HIVEP2: variants seen among roughly 807,000 people sequenced by gnomAD.
The protein encoded by HIVEP2 is HIVEP zinc finger 2.
A neutral mutation model predicts 180.7 loss-of-function variants in HIVEP2; 14 were observed. That is an observed-to-expected ratio of 0.08 (90% CI 0.05 to 0.12). HIVEP2 has a LOEUF of 0.12. Ranked by LOEUF, HIVEP2 falls within the 10% of genes least tolerant of loss-of-function variation. HIVEP2 has a pLI of 1.00. For missense variants in HIVEP2, 2,579 were observed against 3,008.5 expected, an observed-to-expected ratio of 0.86 and a Z score of 3.34; for synonymous variants, 1,184 against 1,136.4, an observed-to-expected ratio of 1.04 and a Z score of -0.84.
Position 142,787,589 on chromosome 6 carries a change from T to C in HIVEP2, c.-527-3974A>G, listed in dbSNP as rs566850977. On this transcript the variant is annotated intron_variant, in intron 2 of 9. Transcript: ENST00000367603. ...TACAAAAAAAAAAAAAAAAAGACTC[T>C]AAATGGGCCCATTGTTCCACTCTGG... is the stretch of plus-strand genomic sequence containing the variant. Among the ~76,000 whole-genome samples, 363 of 143,688 alleles carry C rather than the reference T, an allele frequency of 2.5e-3. 2 individuals are homozygous for C. The highest frequency in any genetic ancestry group is 8.1e-3 in the African/African-American group (320 of 39,552). 94.3% of individuals were successfully genotyped at this position (143,688 alleles called of 152,430 possible). A position where few individuals can be genotyped will look rare whatever the true frequency, so the allele number is the denominator to read the frequency against.
intron 1 of HIVEP2, among the ~76,000 whole-genome samples, chr6:142,840,494 A>G (rs1310213499): frequency 6.6e-6 from 1 of 152,114 alleles, no homozygotes; most frequent in Admixed American, 6.6e-5. Flanking sequence ...AAAAATTTTA[A>G]TCTATTATTT....
intron 2 of HIVEP2, among the ~76,000 whole-genome samples, chr6:142,829,681 T>C (rs138620621): frequency 6.6e-6 from 1 of 152,360 alleles, no homozygotes; most frequent in African/African-American, 2.4e-5. Context: ...CCATAAATAT[T>C]CATTGAGTTT....
Position 142,753,039 on chromosome 6 carries a change from C to T in HIVEP2, c.*68G>A. The T allele has an allele frequency of 1.1e-6, 1 of 936,256 alleles. No homozygotes were observed. The highest frequency in any genetic ancestry group is 1.7e-6 in the Non-Finnish European group (1 of 575,214). The allele number at this position is 936,256 out of a possible 1,614,324, so 58.0% of individuals were successfully genotyped here. On this transcript the variant is annotated 3_prime_UTR_variant, in exon 10 of 10. Coordinates refer to ENST00000367603, the MANE Select transcript of HIVEP2 (RefSeq NM_006734.4). ...AGGCATGCTATAAACTGGATTACCT[C>T]CATTTCTAGAAAAACAAAAACAAAA... is the stretch of plus-strand genomic sequence containing the variant.
intron 1 of HIVEP2, among the ~76,000 whole-genome samples, chr6:142,932,347 T>C (rs544868517): frequency 1.3e-5 from 2 of 152,340 alleles, no homozygotes; most frequent in African/African-American, 4.8e-5. Flanking sequence ...GTTCTAGTTA[T>C]ACTACATAAA....
intron 1 of HIVEP2, among the ~76,000 whole-genome samples, chr6:142,921,530 T>C (rs1204564579): frequency 6.6e-6 from 1 of 152,170 alleles, no homozygotes; most frequent in Non-Finnish European, 1.5e-5. Context: ...ATGAGACTCT[T>C]CCTCAAAAGA....
intron 1 of HIVEP2, among the ~76,000 whole-genome samples, chr6:142,864,746 AG>A (rs1341242603): frequency 6.6e-6 from 1 of 152,198 alleles, no homozygotes; most frequent in African/African-American, 2.4e-5. Context: ...TAATAAACAC[AG>A]GGTAGGAAAA....
At chr6:142,888,177 T>C (rs1776757558) in intron 1 of HIVEP2, among the ~76,000 whole-genome samples, 1 of 152,202 alleles carries the variant, frequency 6.6e-6, no homozygotes, top group African/African-American at 2.4e-5. Context: ...TCTCCTTTAG[T>C]CTCAGTATTA....
At chr6:142,924,732 C>T (rs1000673817) in intron 1 of HIVEP2, among the ~76,000 whole-genome samples, 1 of 152,164 alleles carries the variant, frequency 6.6e-6, no homozygotes, top group Non-Finnish European at 1.5e-5. Flanking sequence ...TAATTACAGA[C>T]AAGGTACTGG....
intron 1 of HIVEP2, among the ~76,000 whole-genome samples, chr6:142,856,552 A>G (rs1775826307): frequency 6.6e-6 from 1 of 152,262 alleles, no homozygotes; most frequent in South Asian, 2.1e-4. Context: ...AAGCCCAGGC[A>G]CACTGCCTGG....
chr6:142,793,656 C>CTTTCTTTCTTTCTTTCTTTCTTTCTTTT (rs1269273663), intron 2 of HIVEP2, among the ~76,000 whole-genome samples: 44 of 77,304 alleles, frequency 5.7e-4, no homozygotes, highest in East Asian at 3.4e-3. Flanking sequence ...TTCTTTCTTT[C>CTTTCTTTCTTTCTTTCTTTCTTTCTTTT]TTTTTTCTTT....
intron 1 of HIVEP2, among the ~76,000 whole-genome samples, chr6:142,846,255 G>T (rs1775513850): frequency 6.6e-6 from 1 of 151,942 alleles, no homozygotes; most frequent in Non-Finnish European, 1.5e-5. Flanking sequence ...TGTCAGGGCT[G>T]TGATTTAATT....
intron 2 of HIVEP2, among the ~76,000 whole-genome samples, chr6:142,784,468 T>C (rs761363100): frequency 2.0e-5 from 3 of 152,186 alleles, no homozygotes; most frequent in Non-Finnish European, 4.4e-5. Context: ...TTCCCCCTCC[T>C]TTCTGCACAC....
chr6:142,818,260 T>C (rs1285690084), intron 2 of HIVEP2, among the ~76,000 whole-genome samples: 1 of 152,186 alleles, frequency 6.6e-6, no homozygotes, highest in Admixed American at 6.5e-5. Context: ...AAGCCTTCTT[T>C]AGGTGGAAAA....
In HIVEP2 at chr6:142,772,428, A is replaced by G. The variant is rs761475403; in HGVS notation, c.2311T>C (p.Ser771Pro). 2 of 1,614,182 alleles carry G rather than the reference A, an allele frequency of 1.2e-6. No individual in the cohort carries two copies. Among genetic ancestry groups the G allele is most frequent in the Admixed American group, 3.3e-5 (2 of 60,028 alleles). Residue 771 changes from serine (S) to proline (P), a missense_variant, in exon 5 of 10, where the codon TCT becomes CCT. Ser to Pro is a moderately conservative substitution (Grantham distance 74). This residue lies in a region of HIVEP2 where 524 missense variants were observed against 563.6 expected (regional missense o/e 0.93). Coordinates refer to ENST00000367603, the MANE Select transcript of HIVEP2 (RefSeq NM_006734.4). This position sits in a 1 kb window ranked among gnomAD's most constrained non-coding sequence, Gnocchi z 4.9. ...GAAGGTGACTCCTCTGACACAAGAG[A>G]TGGACTTCCAGGCTGCAGTTGGGGC... ...CRPQLQPGSP[S>P]LVSEESPSAI...
intron 2 of HIVEP2, chr6:142,788,101 CAAAA>C (rs1440889969): frequency 6.6e-6 from 1 of 151,870 alleles, no homozygotes; most frequent in South Asian, 2.1e-4. Context: ...TGAAAACAAA[CAAAA>C]AAAGCAGATA....
chr6:142,845,867 CG>C (rs1231718614), intron 1 of HIVEP2, among the ~76,000 whole-genome samples: 4 of 152,248 alleles, frequency 2.6e-5, no homozygotes, highest in Admixed American at 2.6e-4. Context: ...GGTGCAAACT[CG>C]TCTTCCGCAG....
intron 1 of HIVEP2, among the ~76,000 whole-genome samples, chr6:142,916,906 A>G (rs1343444009): frequency 1.3e-5 from 2 of 152,248 alleles, no homozygotes; most frequent in Admixed American, 6.5e-5. Flanking sequence ...TTAATTGTAT[A>G]CCATATTATG....
intron 1 of HIVEP2, among the ~76,000 whole-genome samples, chr6:142,847,687 C>T (rs1313554256): frequency 6.6e-6 from 1 of 152,192 alleles, no homozygotes; most frequent in Non-Finnish European, 1.5e-5. Flanking sequence ...TCAGCTATTT[C>T]TGTAATAATT....
At chr6:142,806,973 A>C (rs1257341152) in intron 2 of HIVEP2, among the ~76,000 whole-genome samples, 3 of 152,166 alleles carry the variant, frequency 2.0e-5, no homozygotes. Context: ...CAGGTACTGC[A>C]TGGATTATTC....
Sources: gnomAD v4.1 joint callset for allele counts (sites outside exome capture counted in the v4.1 genomes callset) on GRCh38, gnomAD v4.1.1 for gene constraint, gnomAD v4.1.1 regional missense constraint, Gnocchi (gnomAD v3.1) non-coding constraint, MANE v1.5 for transcripts, NCBI Gene and HGNC (gene_info 2026-07-23, HGNC 2026-07-21) for gene names.